GRAMD4: variants seen among roughly 807,000 people sequenced by gnomAD.
GRAMD4 encodes the protein GRAM domain-containing protein 4.
Under a neutral mutation model 83.9 loss-of-function variants are expected in GRAMD4, and 25 were observed. The ratio of observed to expected loss-of-function variants is 0.30; its 90% CI spans 0.22 to 0.42. The LOEUF (loss-of-function observed/expected upper bound fraction) is 0.42, where lower values mean the gene tolerates loss of function less well. GRAMD4 is among the 10% of genes least tolerant of loss of function. The pLI is 1.00. For synonymous variants in GRAMD4, 336 were observed against 320.9 expected (o/e 1.05, Z -0.50); for missense variants, 593 against 788.7 (o/e 0.75, Z 2.97).
chr22:46,589,369 G>A (rs1165225528), intron 1 of GRAMD4, among the ~76,000 whole-genome samples: 1 of 133,118 alleles, frequency 7.5e-6, no homozygotes, highest in Non-Finnish European at 1.6e-5. Context: ...AGTCCTGGGT[G>A]TGGGGGCAGC....
At chr22:46,584,622 C>G (rs561078743) in intron 1 of GRAMD4, among the ~76,000 whole-genome samples, 1 of 152,260 alleles carries the variant, frequency 6.6e-6, no homozygotes, top group African/African-American at 2.4e-5. Context: ...GGAAGCAGTT[C>G]CCGATCCCTT....
At chr22:46,664,724 C>T (rs1046091396) in intron 8 of GRAMD4, among the ~76,000 whole-genome samples, 7 of 152,232 alleles carry the variant, frequency 4.6e-5, no homozygotes, top group African/African-American at 1.4e-4. Flanking sequence ...GCCTCCAGCA[C>T]GAGGAAGATG....
intron 1 of GRAMD4, among the ~76,000 whole-genome samples, chr22:46,599,533 G>C (rs1555954179): frequency 6.6e-6 from 1 of 151,894 alleles, no homozygotes; most frequent in Non-Finnish European, 1.5e-5. Context: ...CACCCTCTTG[G>C]CCAGGCTGGT....
downstream of GRAMD4, chr22:46,682,316 A>C: frequency 2.0e-6 from 1 of 509,012 alleles, no homozygotes; most frequent in Non-Finnish European, 2.5e-6. Flanking sequence ...ATCGCAAGCT[A>C]GGGGAAATAG....
At chr22:46,586,592 G>A (rs547217686) in intron 1 of GRAMD4, among the ~76,000 whole-genome samples, 3 of 152,310 alleles carry the variant, frequency 2.0e-5, no homozygotes, top group South Asian at 2.1e-4. Flanking sequence ...ACACAGAGAC[G>A]AGGGCCTTCA....
intron 3 of GRAMD4, among the ~76,000 whole-genome samples, chr22:46,656,961 T>TGGGCCACAGCCAGCCCTCAGCCACCAC (rs1569294346): frequency 1.6e-4 from 25 of 152,244 alleles, no homozygotes; most frequent in African/African-American, 5.8e-4. Context: ...TCAGCCACCA[T>TGGGCCACAGCCAGCCCTCAGCCACCAC]AGGCCACAGC....
At chr22:46,658,670 C>A (rs2082281770) in intron 4 of GRAMD4, among the ~76,000 whole-genome samples, 4 of 152,088 alleles carry the variant, frequency 2.6e-5, no homozygotes, top group African/African-American at 9.7e-5. Context: ...GCTGGTGACC[C>A]CATTCTGTAC....
chr22:46,587,034 G>T (rs1189669144), intron 1 of GRAMD4, among the ~76,000 whole-genome samples: 1 of 152,220 alleles, frequency 6.6e-6, no homozygotes, highest in Non-Finnish European at 1.5e-5. Context: ...GACAAAGCCC[G>T]TGCTGATGGT....
chr22:46,605,337 CT>C (rs1334394593), intron 1 of GRAMD4, among the ~76,000 whole-genome samples: 21 of 152,224 alleles, frequency 1.4e-4, no homozygotes, highest in Non-Finnish European at 8.8e-5. Context: ...CCACATGTTG[CT>C]TATTCGTTCA....
intron 13 of GRAMD4, 55 bp downstream of exon 13, chr22:46,668,963 C>A: frequency 1.0e-6 from 1 of 976,126 alleles, no homozygotes; most frequent in Non-Finnish European, 1.6e-6. Context: ...CAGGTGTCCG[C>A]ATGCCACCAG....
In GRAMD4 at chr22:46,672,983, G is replaced by C. The variant is rs773434073; in HGVS notation, c.1225G>C (p.Ala409Pro). 65 of 1,599,148 alleles carry C rather than the reference G, an allele frequency of 4.1e-5. No homozygotes were observed. Among genetic ancestry groups the C allele is most frequent in the Non-Finnish European group, 5.3e-5 (62 of 1,176,578 alleles). ...GCAGCTCAAGGAGCGCTCCAGCGCC[G>C]CAGTCTCACGCAGGGTGAGCCCGGC... ...DPQLKERSSA[A>P]VSRRLQTTSS... Residue 409 changes from alanine to proline, a missense_variant, in exon 14 of 19, where the codon GCA becomes CCA. By Grantham distance (27) the Ala-to-Pro change is conservative. Coordinates refer to ENST00000406902, the MANE Select transcript of GRAMD4 (RefSeq NM_015124.5). The surrounding 1 kb of genome is among the most constrained non-coding windows in gnomAD (Gnocchi z 4.7).
In GRAMD4 at chr22:46,673,826, G is replaced by C; in HGVS notation, c.1384+12G>C. The stretch of plus-strand genomic sequence containing the variant: ...GCGTCCGCTGGCGGGTATGTGTGCC[G>C]TGAGTCTGAGGCCAGGCCGAGCGCC... On this transcript the variant is annotated intron_variant, in intron 15 of 18. Coordinates refer to ENST00000406902, the MANE Select transcript of GRAMD4 (RefSeq NM_015124.5). 1.9e-6 allele frequency: 3 copies of C among 1,612,360 alleles called. 1 individual carries two copies. Among genetic ancestry groups the C allele is most frequent in the South Asian group, 1.1e-5 (1 of 91,064 alleles).
intron 15 of GRAMD4, among the ~76,000 whole-genome samples, chr22:46,674,305 C>T (rs1016985033): frequency 1.3e-5 from 2 of 152,264 alleles, no homozygotes; most frequent in Admixed American, 6.5e-5. Context: ...GGAGCTTCGT[C>T]CTCTGCTGAG....
intron 9 of GRAMD4, 63 bp downstream of exon 9, chr22:46,665,769 T>C (rs2082399298): frequency 6.6e-6 from 6 of 906,380 alleles, no homozygotes; most frequent in East Asian, 2.4e-5. Context: ...GCTGTCTCCC[T>C]GCGTCTCACA....
chr22:46,611,867 G>A (rs571439182), intron 1 of GRAMD4, among the ~76,000 whole-genome samples: 1 of 151,216 alleles, frequency 6.6e-6, no homozygotes, highest in East Asian at 1.9e-4. Context: ...CATGGTGGGG[G>A]GCACCTATAG....
At chr22:46,675,014 G>A (rs961091908) in intron 16 of GRAMD4, among the ~76,000 whole-genome samples, 35 of 152,274 alleles carry the variant, frequency 2.3e-4, no homozygotes, top group Non-Finnish European at 4.6e-4. Flanking sequence ...TCATGGAGAC[G>A]AGGGGCAGAG....
At chr22:46,649,439 C>G (rs992350328) in intron 3 of GRAMD4, among the ~76,000 whole-genome samples, 2 of 152,240 alleles carry the variant, frequency 1.3e-5, no homozygotes, top group Admixed American at 6.5e-5. Flanking sequence ...CCGCGTGCCT[C>G]TCACAGGGAG....
chr22:46,606,649 C>G (rs112461047), intron 1 of GRAMD4, among the ~76,000 whole-genome samples: 1 of 149,796 alleles, frequency 6.7e-6, no homozygotes. Context: ...TGCTGAGCAT[C>G]TCTGCATGGG....
chr22:46,619,359 G>C (rs115975175), upstream of GRAMD4, among the ~76,000 whole-genome samples: 606 of 152,236 alleles, frequency 4.0e-3, 3 homozygotes, highest in African/African-American at 0.014. Context: ...TGTTCTTAGA[G>C]ACAAGGTCTG....
Sources: gnomAD v4.1 joint callset for allele counts (sites outside exome capture counted in the v4.1 genomes callset) on GRCh38, gnomAD v4.1.1 for gene constraint, Gnocchi (gnomAD v3.1) non-coding constraint, MANE v1.5 for transcripts, NCBI Gene and HGNC (gene_info 2026-07-23, HGNC 2026-07-21) for gene names.